KIR2DL3: variants seen among roughly 807,000 people sequenced by gnomAD.
KIR2DL3 encodes killer cell immunoglobulin-like receptor 2DL3.
In KIR2DL3, 39 loss-of-function variants were observed where a neutral mutation model predicts 33.8. The observed-to-expected ratio is 1.15, with a 90% CI of 0.89 to 1.51. KIR2DL3 has a LOEUF of 1.51. KIR2DL3 is among the 40% of genes most tolerant of loss of function. The probability of loss-of-function intolerance (pLI) is 0.00; values close to 1 mark genes in which losing one functional copy is unlikely to be tolerated. For missense variants in KIR2DL3, 462 were observed against 426.2 expected, an observed-to-expected ratio of 1.08 and a Z score of -0.74; for synonymous variants, 174 against 160.2, an observed-to-expected ratio of 1.09 and a Z score of -0.65.
In KIR2DL3 at chr19:54,752,960, G is replaced by T. The variant is rs149314836; in HGVS notation, c.*441G>T. On this transcript the variant is annotated 3_prime_UTR_variant, in exon 8 of 8. Transcript: ENST00000342376. Reference sequence around the variant, plus strand: ...TGCTGTTCCACCTCCCCTCAGACTAGCTTTCAGCCTTCTGTCAGCAGTAAA... The same window carrying T: ...TGCTGTTCCACCTCCCCTCAGACTATCTTTCAGCCTTCTGTCAGCAGTAAA... The T allele has an allele frequency of 0.15, 27,227 of 187,440 alleles. 2,518 individuals are homozygous for T. The highest frequency in any genetic ancestry group is 0.22 in the African/African-American group (7,321 of 33,900). The allele number at this position is 187,440 out of a possible 1,614,324, so 11.6% of individuals were successfully genotyped here.
At chr19:54,745,616 G>C (rs1555908957) in intron 4 of KIR2DL3, among the ~76,000 whole-genome samples, 2,250 of 130,330 alleles carry the variant, frequency 0.017, 71 homozygotes, top group African/African-American at 0.06. Context: ...TGCCCGCCTC[G>C]GTCTCCCAAA....
intron 5 of KIR2DL3, 58 bp downstream of exon 5, chr19:54,747,443 G>C (rs1397361567): frequency 7.7e-6 from 12 of 1,564,886 alleles, no homozygotes; most frequent in African/African-American, 4.1e-5. Flanking sequence ...AGAAACCTTC[G>C]ATGCAGGCAT....
At position 54,744,091 on chromosome 19, in the gene KIR2DL3, G is replaced by A. The variant is rs2071768542; in HGVS notation, c.664+3G>A. ...CCCACTGCTTGTTTCTGTCACAGGTGAGGAAACCCCATATCTGTCTCATGT... is the reference window on the plus strand; with the variant it reads ...CCCACTGCTTGTTTCTGTCACAGGTAAGGAAACCCCATATCTGTCTCATGT... On this transcript the variant is annotated splice_donor_region_variant and intron_variant, in intron 4 of 7. Transcript: ENST00000342376. 1.9e-6 allele frequency: 3 copies of A among 1,614,138 alleles called. No homozygotes were observed. Among genetic ancestry groups the A allele is most frequent in the South Asian group, 2.2e-5 (2 of 91,084 alleles).
chr19:54,741,630 A>C (rs2071133413), intron 2 of KIR2DL3, among the ~76,000 whole-genome samples: 1 of 151,818 alleles, frequency 6.6e-6, no homozygotes, highest in Non-Finnish European at 1.5e-5. Context: ...TCCAAAAGAG[A>C]TTGAACCAGG....
At position 54,744,067 on chromosome 19, in the gene KIR2DL3, C is replaced by G. The variant is rs1174321807; in HGVS notation, c.643C>G (p.Pro215Ala). 1 of 1,614,198 alleles carries G rather than the reference C, an allele frequency of 6.2e-7. No individual in the cohort carries two copies. Among genetic ancestry groups the G allele is most frequent in the East Asian group, 2.2e-5 (1 of 44,892 alleles). The change falls in exon 4 of 8, where the codon CCA (proline) becomes GCA (alanine). Residue 215 changes from proline to alanine, a missense_variant. Pro to Ala is a conservative substitution (Grantham distance 27). Transcript: ENST00000342376. ...ATACGAGTGGTCAAACTCGAGTGAC[C>G]CACTGCTTGTTTCTGTCACAGGTGA... ...SPYEWSNSSD[P>A]LLVSVTGNPS...
chr19:54,746,754 G>T (rs142188404), intron 4 of KIR2DL3, among the ~76,000 whole-genome samples: 3,807 of 125,640 alleles, frequency 0.03, 53 homozygotes, highest in African/African-American at 0.077. Context: ...AGCCCAAGGC[G>T]GGTGGATCAC....
In KIR2DL3 at chr19:54,751,014, T is replaced by G. The variant is rs78916643; in HGVS notation, c.716-635T>G. Reference sequence around the variant, plus strand: ...CTCCTGATCTCAGGACGTTGCTGTCTTAGTCCATTTTTGTTGCTCTAAAGG... The same window carrying G: ...CTCCTGATCTCAGGACGTTGCTGTCGTAGTCCATTTTTGTTGCTCTAAAGG... On this transcript the variant is annotated intron_variant, in intron 5 of 7. Transcript: ENST00000342376. Among the ~76,000 whole-genome samples, 256 of 119,928 alleles carry G rather than the reference T, an allele frequency of 2.1e-3. 1 individual carries two copies. Among genetic ancestry groups the G allele is most frequent in the South Asian group, 5.0e-3 (15 of 3,030 alleles). 78.7% of individuals were successfully genotyped at this position (119,928 alleles called of 152,430 possible). A position where few individuals can be genotyped will look rare whatever the true frequency, so the allele number is the denominator to read the frequency against.
At chr19:54,741,821 A>G (rs2071176216) in intron 2 of KIR2DL3, among the ~76,000 whole-genome samples, 159 bp from the exon 3 acceptor site, 1 of 152,028 alleles carries the variant, frequency 6.6e-6, no homozygotes, top group South Asian at 2.1e-4. Context: ...GACAGATGGA[A>G]GGACCTGCAC....
chr19:54,742,139 A>C lies in KIR2DL3; in HGVS notation c.230A>C (p.His77Pro). The C allele has an allele frequency of 6.2e-7, 1 of 1,613,792 alleles. No individual in the cohort carries two copies. Among genetic ancestry groups the C allele is most frequent in the Non-Finnish European group, 8.5e-7 (1 of 1,179,928 alleles). ...ACTTTGCACCTCATTGGAGAGCACCATGATGGGGTCTCCAAGGCCAACTTC... is the reference window on the plus strand; with the variant it reads ...ACTTTGCACCTCATTGGAGAGCACCCTGATGGGGTCTCCAAGGCCAACTTC... ...KDTLHLIGEH[H>P]DGVSKANFSI... Residue 77 changes from histidine (H) to proline (P), a missense_variant, in exon 3 of 8, where the codon CAT becomes CCT. His to Pro is a moderately conservative substitution (Grantham distance 77). Coordinates refer to ENST00000342376, the MANE Select transcript of KIR2DL3 (RefSeq NM_015868.3).
intron 4 of KIR2DL3, among the ~76,000 whole-genome samples, chr19:54,746,393 T>C (rs200810645): frequency 7.6e-6 from 1 of 132,112 alleles, no homozygotes; most frequent in Non-Finnish European, 1.7e-5. Context: ...GTTGCTTAGT[T>C]TGAGGTAATC....
intron 4 of KIR2DL3, 21 bp downstream of exon 4, chr19:54,744,109 T>A: frequency 1.2e-6 from 2 of 1,613,870 alleles, no homozygotes; most frequent in Non-Finnish European, 1.7e-6. Flanking sequence ...CCCATATCTG[T>A]CTCATGTCCT....
intron 2 of KIR2DL3, among the ~76,000 whole-genome samples, chr19:54,740,340 G>A (rs1340517600): frequency 6.6e-6 from 1 of 151,980 alleles, no homozygotes; most frequent in East Asian, 1.9e-4. Flanking sequence ...TCATTCTTCG[G>A]TGTCACTCTT....
At chr19:54,738,802 A>G (rs1283276148) in intron 1 of KIR2DL3, among the ~76,000 whole-genome samples, 18 of 142,796 alleles carry the variant, frequency 1.3e-4, no homozygotes, top group African/African-American at 4.2e-4. Flanking sequence ...TAGTGGAGAC[A>G]TGGGCCTGGA....
rs2073498575 is a variant in KIR2DL3, at chr19:54,751,859, G to T, written c.820+106G>T. ...ACAGACAGGATGGTCCCTGGCCCAAGGCAGCAGCCACAGAGGGAGGACTTT... is the reference window on the plus strand; with the variant it reads ...ACAGACAGGATGGTCCCTGGCCCAATGCAGCAGCCACAGAGGGAGGACTTT... On this transcript the variant is annotated intron_variant, in intron 6 of 7. Transcript: ENST00000342376. 11 of 1,008,522 alleles carry T rather than the reference G, an allele frequency of 1.1e-5. 2 individuals are homozygous for T. In the South Asian group the frequency reaches 1.8e-4, roughly 16 times the overall value. 62.5% of individuals were successfully genotyped at this position (1,008,522 alleles called of 1,614,324 possible).
intron 3 of KIR2DL3, 64 bp downstream of exon 3, chr19:54,742,343 C>A (rs1382360912): frequency 4.4e-6 from 6 of 1,355,010 alleles, no homozygotes; most frequent in African/African-American, 1.4e-5. Context: ...CGACTTGGAA[C>A]CCCCAGGTAG....
intron 1 of KIR2DL3, among the ~76,000 whole-genome samples, chr19:54,738,817 G>T (rs1185438642): frequency 1.3e-5 from 2 of 148,546 alleles, no homozygotes; most frequent in Non-Finnish European, 3.0e-5. Context: ...CCTGGAGATG[G>T]AGATATGGGC....
Position 54,742,022 on chromosome 19 carries a change from T to C in KIR2DL3, c.113T>C (p.Leu38Pro). 1.2e-6 allele frequency: 2 copies of C among 1,612,102 alleles called. No individual in the cohort carries two copies. Among genetic ancestry groups the C allele is most frequent in the Non-Finnish European group, 1.7e-6 (2 of 1,178,900 alleles). ...KPSLLAHPGPLVKSEETVILQ... is the reference protein window; with the variant it reads ...KPSLLAHPGPPVKSEETVILQ... ...TCCCTCCTGGCCCACCCAGGTCCCCTGGTGAAATCAGAAGAGACAGTCATC... is the reference window on the plus strand; with the variant it reads ...TCCCTCCTGGCCCACCCAGGTCCCCCGGTGAAATCAGAAGAGACAGTCATC... The change falls in exon 3 of 8, where the codon CTG becomes CCG. Residue 38 changes from leucine to proline, a missense_variant. Physicochemically the swap from Leu to Pro is moderately conservative, Grantham distance 98. Transcript: ENST00000342376.
chr19:54,746,787 A>G (rs1347809159), intron 4 of KIR2DL3, among the ~76,000 whole-genome samples: 1 of 150,102 alleles, frequency 6.7e-6, no homozygotes, highest in East Asian at 1.9e-4. Context: ...GTTCAAGATT[A>G]GTCTGGCCGA....
intron 4 of KIR2DL3, among the ~76,000 whole-genome samples, chr19:54,745,738 G>C (rs1315335291): frequency 6.6e-6 from 1 of 151,526 alleles, no homozygotes; most frequent in East Asian, 1.9e-4. Context: ...TACCAACAGG[G>C]TATTAGGGTT....
Sources: allele counts gnomAD v4.1 joint callset (sites outside exome capture counted in the v4.1 genomes callset), GRCh38; gene constraint gnomAD v4.1.1; transcripts MANE v1.5; gene names NCBI Gene and HGNC (gene_info 2026-07-23, HGNC 2026-07-21).